Variants in FAM174B observed in about 807,000 individuals in gnomAD.
FAM174B encodes the protein membrane protein FAM174B.
Under a neutral mutation model 10.9 loss-of-function variants are expected in FAM174B, and 12 were observed. That is an observed-to-expected ratio of 1.10 (90% CI 0.71 to 1.79). The LOEUF (loss-of-function observed/expected upper bound fraction) is 1.79, where lower values mean the gene tolerates loss of function less well. FAM174B is among the 40% of genes most tolerant of loss of function. The pLI, the probability that FAM174B is intolerant of heterozygous loss-of-function variation, is 0.00. For synonymous variants in FAM174B, 132 were observed against 115.8 expected, an observed-to-expected ratio of 1.14 and a Z score of -0.90; for missense variants, 266 against 233.3, an observed-to-expected ratio of 1.14 and a Z score of -0.91.
chr15:92,630,471 G>T, intron 1 of FAM174B, 126 bp from the exon 2 acceptor site: 1 of 881,464 alleles, frequency 1.1e-6, no homozygotes, highest in South Asian at 1.7e-5. Context: ...TCCTCTGTCT[G>T]AGAGTGTGAG....
At chr15:92,619,760 G>T in intron 2 of FAM174B, 2 of 459,238 alleles carry the variant, frequency 4.4e-6, no homozygotes, top group Non-Finnish European at 3.9e-6. Flanking sequence ...GTTTACACTA[G>T]GGGTTGGAAA....
intron 2 of FAM174B, 92 bp from the exon 3 acceptor site, chr15:92,619,551 T>G (rs1387602385): frequency 6.9e-7 from 1 of 1,454,718 alleles, no homozygotes; most frequent in East Asian, 2.3e-5. Context: ...CCTCACCCTC[T>G]CAGCCAGTGA....
intron 1 of FAM174B, among the ~76,000 whole-genome samples, chr15:92,651,388 T>C (rs1248633349): frequency 1.3e-5 from 2 of 152,196 alleles, no homozygotes; most frequent in African/African-American, 4.8e-5. Context: ...ACACACATCA[T>C]AACTACATGC....
At chr15:92,631,975 A>G (rs1302879184) in intron 1 of FAM174B, among the ~76,000 whole-genome samples, 1 of 151,224 alleles carries the variant, frequency 6.6e-6, no homozygotes, top group Non-Finnish European at 1.5e-5. Flanking sequence ...ATCAGGGGCA[A>G]GTCAGTTCAT....
intron 1 of FAM174B, among the ~76,000 whole-genome samples, chr15:92,638,468 G>A (rs1048536533): frequency 6.6e-6 from 1 of 152,176 alleles, no homozygotes; most frequent in Non-Finnish European, 1.5e-5. Flanking sequence ...GCCTACAGAG[G>A]GGGAGGCCTT....
intron 1 of FAM174B, among the ~76,000 whole-genome samples, chr15:92,640,551 C>CAAAAAA (rs60865026): frequency 1.3e-4 from 9 of 67,720 alleles, no homozygotes; most frequent in African/African-American, 4.0e-4. Context: ...GACTCCATCT[C>CAAAAAA]AAAAAAAAAA....
chr15:92,655,235 T>G, intron 1 of FAM174B, 81 bp downstream of exon 1: 1 of 1,436,888 alleles, frequency 7.0e-7, no homozygotes, highest in Non-Finnish European at 9.1e-7. Context: ...TGCGTGCAGG[T>G]GGGGCGGGCG....
At position 92,655,528 on chromosome 15, in the gene FAM174B, C is replaced by T. The variant is rs746859170; in HGVS notation, c.132G>A (p.Arg44=). Residue 44 remains arginine (R), a synonymous_variant, in exon 1 of 3, where the codon CGG becomes CGA. Transcript: ENST00000327355. ...TCCCGGGCCCCGGGCCGGGCGGTGG[C>T]CGCGACTCGCGCTCGGGTTCGGGCC... is the stretch of plus-strand genomic sequence containing the variant. The part of the protein sequence containing the change: ...APWPEPERES[R]PPPGPGPGNT... The T allele has an allele frequency of 6.7e-7, 1 of 1,486,522 alleles. No homozygotes were observed. Among genetic ancestry groups the T allele is most frequent in the Non-Finnish European group, 8.9e-7 (1 of 1,118,596 alleles). The allele number at this position is 1,486,522 out of a possible 1,614,324, so 92.1% of individuals were successfully genotyped here.
At position 92,641,560 on chromosome 15, in the gene FAM174B, T is replaced by G. The variant is rs140736929; in HGVS notation, c.345-11215A>C. Among the ~76,000 whole-genome samples the G allele has an allele frequency of 4.7e-3, 718 of 152,312 alleles. 3 individuals carry two copies. Among genetic ancestry groups the G allele is most frequent in the Middle Eastern group, 0.02 (6 of 294 alleles). On this transcript the variant is annotated intron_variant, in intron 1 of 2. Coordinates refer to ENST00000327355, the MANE Select transcript of FAM174B (RefSeq NM_207446.3). ...AAAGCAAGGTAAAAAGCATAGTGTA[T>G]GTGTAAGAGATAGAAAAGATATCCA...
chr15:92,630,108 A>G (rs1470373610), intron 2 of FAM174B, 106 bp downstream of exon 2: 29 of 1,194,282 alleles, frequency 2.4e-5, no homozygotes, highest in Non-Finnish European at 3.4e-5. Context: ...CCCAGGACCC[A>G]ACACTTCACT....
chr15:92,646,637 C>A (rs532777260), intron 1 of FAM174B, among the ~76,000 whole-genome samples: 8 of 152,284 alleles, frequency 5.3e-5, no homozygotes, highest in Middle Eastern at 6.8e-3. Flanking sequence ...TATTGATAGA[C>A]CCTCTAAGTC....
chr15:92,635,120 GTC>G (rs71156651), intron 1 of FAM174B, among the ~76,000 whole-genome samples: 88,434 of 146,662 alleles, frequency 0.6, 28,296 homozygotes, highest in East Asian at 0.73. Context: ...CTCTTTCTCT[GTC>G]TCTCTCTCTC....
At chr15:92,647,455 C>G (rs2050935830) in intron 1 of FAM174B, among the ~76,000 whole-genome samples, 1 of 152,162 alleles carries the variant, frequency 6.6e-6, no homozygotes, top group Admixed American at 6.5e-5. Context: ...CTAAGCCCCC[C>G]AGCCAGTTGA....
intron 1 of FAM174B, among the ~76,000 whole-genome samples, chr15:92,651,448 T>TA (rs374983853): frequency 1.2e-3 from 179 of 152,306 alleles, no homozygotes; most frequent in Admixed American, 2.7e-3. Context: ...TCGTGAATAA[T>TA]AAAAAAATAT....
intron 1 of FAM174B, 70 bp from the exon 2 acceptor site, chr15:92,630,415 G>A (rs1442585073): frequency 1.4e-6 from 2 of 1,471,836 alleles, no homozygotes; most frequent in Non-Finnish European, 1.8e-6. Flanking sequence ...CCAAGCCCCA[G>A]AGGACCCGAC....
intron 2 of FAM174B, 137 bp from the exon 3 acceptor site, chr15:92,619,596 C>T (rs1252386935): frequency 5.0e-6 from 5 of 994,052 alleles, no homozygotes; most frequent in South Asian, 3.3e-5. Context: ...GACCTTTGAG[C>T]GTGCTGTCTG....
intron 1 of FAM174B, among the ~76,000 whole-genome samples, chr15:92,649,737 C>A (rs1021880103): frequency 6.6e-6 from 1 of 152,216 alleles, no homozygotes; most frequent in African/African-American, 2.4e-5. Flanking sequence ...GGCTCCCCAT[C>A]CTGACAATCC....
At chr15:92,634,476 T>C (rs2050840080) in intron 1 of FAM174B, 1 of 152,170 alleles carries the variant, frequency 6.6e-6, no homozygotes, top group African/African-American at 2.4e-5. Context: ...ATCTTATCAT[T>C]CACGTATATA....
chr15:92,648,786 G>A (rs17704317), intron 1 of FAM174B, among the ~76,000 whole-genome samples: 82,650 of 152,114 alleles, frequency 0.54, 24,686 homozygotes, highest in East Asian at 0.68. Context: ...ACACCTGCCC[G>A]TGAGAAAGGG....
Sources: gnomAD v4.1 joint callset for allele counts (sites outside exome capture counted in the v4.1 genomes callset) on GRCh38, gnomAD v4.1.1 for gene constraint, MANE v1.5 for transcripts, NCBI Gene and HGNC (gene_info 2026-07-23, HGNC 2026-07-21) for gene names.